The following CCAR2 variants were observed in gnomAD, a reference collection of about 807,000 sequenced individuals.
The protein encoded by CCAR2 is cell cycle and apoptosis regulator 2.
Under a neutral mutation model 108.1 loss-of-function variants are expected in CCAR2, and 21 were observed. The observed-to-expected ratio is 0.19, with a 90% CI of 0.14 to 0.28. The LOEUF (loss-of-function observed/expected upper bound fraction) is 0.28. Ranked by LOEUF, CCAR2 falls within the 10% of genes least tolerant of loss-of-function variation. The probability of loss-of-function intolerance (pLI) is 1.00; values close to 1 mark genes in which losing one functional copy is unlikely to be tolerated. For missense variants in CCAR2, 1,126 were observed against 1,177.0 expected (o/e 0.96, Z 0.63); for synonymous variants, 577 against 472.8 (o/e 1.22, Z -2.86).
At position 22,605,646 on chromosome 8, in the gene CCAR2, G is replaced by T. The variant is rs114854871; in HGVS notation, c.-38-90G>T. 5,077 of 750,136 alleles carry T rather than the reference G, an allele frequency of 6.8e-3. 140 individuals carry two copies. In the East Asian group the frequency reaches 0.069, roughly 10 times the overall value. 46.5% of individuals were successfully genotyped at this position (750,136 alleles called of 1,614,324 possible). ...CTTATTACCCACCTCCCTGTTTTCC[G>T]AAATATCCTTACTTAAGATTCTCCA... On this transcript the variant is annotated intron_variant, in intron 1 of 20. Transcript: ENST00000308511.
chr8:22,608,167 A>G, intron 7 of CCAR2, 102 bp downstream of exon 7: 6 of 896,680 alleles, frequency 6.7e-6, no homozygotes, highest in South Asian at 1.7e-5. Flanking sequence ...ACCCAGGTCA[A>G]CTGCTTGGAA....
intron 11 of CCAR2, 186 bp downstream of exon 11, chr8:22,615,187 C>G: frequency 1.1e-6 from 1 of 908,242 alleles, no homozygotes; most frequent in Non-Finnish European, 1.6e-6. Context: ...CCAGGCTGCA[C>G]TTGAGACTCC....
At chr8:22,616,325 G>A (rs926569521) in intron 14 of CCAR2, 77 bp downstream of exon 14, 211 of 1,376,276 alleles carry the variant, frequency 1.5e-4, no homozygotes, top group African/African-American at 2.7e-4. Flanking sequence ...TGTTCCGAGC[G>A]CTTCCTGTGC....
At chr8:22,606,229 G>C (rs1002687488) in intron 3 of CCAR2, 53 bp downstream of exon 3, 1 of 1,336,362 alleles carries the variant, frequency 7.5e-7, no homozygotes, top group African/African-American at 1.5e-5. Flanking sequence ...TGAATGCATG[G>C]AGGCCTGGTG....
In CCAR2 at chr8:22,614,497, G is replaced by A; in HGVS notation, c.1035G>A (p.Gln345=). ...PRETPEHPLK[Q]IKFLLGRKEE... is the part of the protein sequence containing the mutation. ...AGACGCCAGAGCATCCTCTGAAGCA[G>A]ATTAAGGTAAGAGCTGGAGAGCAGG... Residue 345 remains glutamine (Q), a synonymous_variant, in exon 10 of 21, where the codon CAG becomes CAA. Coordinates refer to ENST00000308511, the MANE Select transcript of CCAR2 (RefSeq NM_001393997.1). 1 of 1,613,862 alleles carries A rather than the reference G, an allele frequency of 6.2e-7. No homozygotes were observed. The highest frequency in any genetic ancestry group is 8.5e-7 in the Non-Finnish European group (1 of 1,179,866).
At chr8:22,612,978 A>AC in intron 7 of CCAR2, 39 bp from the exon 8 acceptor site, 1 of 1,598,336 alleles carries the variant, frequency 6.3e-7, no homozygotes, top group Admixed American at 1.8e-5. Context: ...TACATATAAC[A>AC]ATGTGGTTTC....
intron 7 of CCAR2, among the ~76,000 whole-genome samples, chr8:22,612,008 G>A (rs565192469): frequency 1.3e-5 from 2 of 151,024 alleles, no homozygotes; most frequent in East Asian, 1.9e-4. Context: ...GGAATGGCGC[G>A]ATCTCGGCTC....
chr8:22,615,677 C>T lies in CCAR2; in HGVS notation c.1378-5C>T, dbSNP rs1392726060. 1.2e-6 allele frequency: 2 copies of T among 1,613,758 alleles called. No individual in the cohort carries two copies. Among genetic ancestry groups the T allele is most frequent in the Admixed American group, 1.7e-5 (1 of 60,010 alleles). On this transcript the variant is annotated splice_region_variant and splice_polypyrimidine_tract_variant and intron_variant, in intron 12 of 20. Coordinates refer to ENST00000308511, the MANE Select transcript of CCAR2 (RefSeq NM_001393997.1). ...CAGAGGGTCTCATTTCAGCTGTTGTCACAGGAAACGGAGCCTACTGAACAG... is the reference window on the plus strand; with the variant it reads ...CAGAGGGTCTCATTTCAGCTGTTGTTACAGGAAACGGAGCCTACTGAACAG...
At position 22,615,406 on chromosome 8, in the gene CCAR2, C is replaced by G. The variant is rs201950635; in HGVS notation, c.1206-19C>G. ...GAGTTGTCACTAAAGAAGTTAGTAC[C>G]TCCTTTTGCCATGTGCAGGTGGCGC... is the stretch of plus-strand genomic sequence containing the variant. On this transcript the variant is annotated intron_variant, in intron 11 of 20. Transcript: ENST00000308511. 1 of 1,608,922 alleles carries G rather than the reference C, an allele frequency of 6.2e-7. No homozygotes were observed. Among genetic ancestry groups the G allele is most frequent in the Non-Finnish European group, 8.5e-7 (1 of 1,177,078 alleles).
chr8:22,615,650 C>T (rs201160050), intron 12 of CCAR2, 32 bp from the exon 13 acceptor site: 3 of 1,613,598 alleles, frequency 1.9e-6, no homozygotes, highest in African/African-American at 1.3e-5. Context: ...AATCCCGGGA[C>T]CCAGAGGGTC....
intron 10 of CCAR2, 28 bp from the exon 11 acceptor site, chr8:22,614,807 TTTG>T (rs1464463577): frequency 1.2e-6 from 2 of 1,604,432 alleles, no homozygotes; most frequent in Non-Finnish European, 1.7e-6. Flanking sequence ...AATGTAGTTT[TTTG>T]TTTTGTATCC....
intron 14 of CCAR2, 79 bp downstream of exon 14, chr8:22,616,327 T>TTCCTG (rs1801508187): frequency 1.5e-6 from 2 of 1,350,202 alleles, no homozygotes; most frequent in South Asian, 2.4e-5. Context: ...TTCCGAGCGC[T>TTCCTG]TCCTGTGCCT....
rs1801436738 is a variant in CCAR2, at chr8:22,614,896, C to T, written c.1100C>T (p.Ser367Phe). The change falls in exon 11 of 21, where the codon TCC (serine) becomes TTC (phenylalanine). Residue 367 changes from serine to phenylalanine, a missense_variant. Around this residue, in one of 4 missense-constraint regions of CCAR2, gnomAD observed 1,013 missense variants for 993.9 expected, o/e 1.02. Coordinates refer to ENST00000308511, the MANE Select transcript of CCAR2 (RefSeq NM_001393997.1). ...CTGGTTGGGGGTGAATGGTCTCCTT[C>T]CCTGGATGGCCTCGACCCCCAGGCT... ...AVLVGGEWSP[S>F]LDGLDPQADP... The T allele has an allele frequency of 6.8e-6, 11 of 1,613,968 alleles. No individual in the cohort carries two copies. The East Asian group carries it at 2.5e-4, about 36-fold the overall frequency.
chr8:22,605,492 C>T (rs2117405966), intron 1 of CCAR2: 1 of 418,764 alleles, frequency 2.4e-6, no homozygotes, highest in Non-Finnish European at 4.3e-6. Context: ...GCATCAGTTT[C>T]CTTGTCTGTA....
In CCAR2 at chr8:22,604,781, A is replaced by C; in HGVS notation, c.-100A>C. The C allele has an allele frequency of 2.2e-6, 1 of 456,062 alleles. No homozygotes were observed. Among genetic ancestry groups the C allele is most frequent in the Middle Eastern group, 3.7e-4 (1 of 2,680 alleles). 28.3% of individuals were successfully genotyped at this position (456,062 alleles called of 1,614,324 possible). A position where few individuals can be genotyped will look rare whatever the true frequency, so the allele number is the denominator to read the frequency against. On this transcript the variant is annotated 5_prime_UTR_variant, in exon 1 of 21. Coordinates refer to ENST00000308511, the MANE Select transcript of CCAR2 (RefSeq NM_001393997.1). ...GAGAGGCGCTTCCGGTGGCGGCGGC[A>C]GCAGCGGCTGTGGTGGTTCCGGGTG...
intron 17 of CCAR2, 28 bp downstream of exon 17, chr8:22,618,523 T>G: frequency 6.2e-7 from 1 of 1,614,102 alleles, no homozygotes; most frequent in Non-Finnish European, 8.5e-7. Context: ...CCCCAGCACA[T>G]GGGCACAGGC....
chr8:22,613,204 C>T (rs1585159147), intron 8 of CCAR2, 68 bp downstream of exon 8: 7 of 1,434,244 alleles, frequency 4.9e-6, no homozygotes, highest in East Asian at 5.0e-5. Context: ...AATGAGATGG[C>T]GTCTATGCAA....
chr8:22,614,350 T>C, intron 9 of CCAR2, 36 bp downstream of exon 9: 1 of 1,614,026 alleles, frequency 6.2e-7, no homozygotes, highest in Admixed American at 1.7e-5. Flanking sequence ...ATCTGATTTC[T>C]GGAGGCTGAA....
chr8:22,611,822 T>A (rs1039584868), intron 7 of CCAR2, among the ~76,000 whole-genome samples: 1 of 152,166 alleles, frequency 6.6e-6, no homozygotes, highest in Non-Finnish European at 1.5e-5. Flanking sequence ...CTATGTGTAG[T>A]CTTTCTTCTT....
Sources: gnomAD v4.1 joint callset for allele counts (sites outside exome capture counted in the v4.1 genomes callset) on GRCh38, gnomAD v4.1.1 for gene constraint, gnomAD v4.1.1 regional missense constraint, MANE v1.5 for transcripts, NCBI Gene and HGNC (gene_info 2026-07-23, HGNC 2026-07-21) for gene names.